The following RAPGEF1 variants were observed in gnomAD, a reference collection of about 807,000 sequenced individuals.
RAPGEF1 encodes the protein CRK SH3-binding GNRP.
A neutral mutation model predicts 143.3 loss-of-function variants in RAPGEF1; 33 were observed. The ratio of observed to expected loss-of-function variants is 0.23; its 90% CI spans 0.17 to 0.31. RAPGEF1 has a LOEUF of 0.31. Ranked by LOEUF, RAPGEF1 falls within the 10% of genes least tolerant of loss-of-function variation. The pLI, the probability that RAPGEF1 is intolerant of heterozygous loss-of-function variation, is 1.00. For missense variants in RAPGEF1, 1,199 were observed against 1,645.4 expected (o/e 0.73, Z 4.69); for synonymous variants, 629 against 676.5 (o/e 0.93, Z 1.09).
chr9:131,583,916 T>C lies in RAPGEF1; in HGVS notation c.3414+395A>G, dbSNP rs114339365. ...CACCCTTCTTCTTTTAGTGCTTATC[T>C]AGCAGAAACTCACCCAACATCATGT... On this transcript the variant is annotated intron_variant, in intron 24 of 26. Coordinates refer to ENST00000683357, the MANE Select transcript of RAPGEF1 (RefSeq NM_001377935.1). This position sits in a 1 kb window ranked among gnomAD's most constrained non-coding sequence, Gnocchi z 4.7. 6.1e-3 allele frequency among the ~76,000 whole-genome samples: 931 copies of C among 152,356 alleles called. 10 individuals are homozygous for C. Among genetic ancestry groups the C allele is most frequent in the African/African-American group, 0.022 (896 of 41,580 alleles).
rs375451768 is a variant in RAPGEF1, at chr9:131,709,696, G to A, written c.61+30074C>T. 9 of 1,613,960 alleles carry A rather than the reference G, an allele frequency of 5.6e-6. No individual in the cohort carries two copies. The African/African-American group carries it at 6.7e-5, about 12-fold the overall frequency. On this transcript the variant is annotated intron_variant, in intron 1 of 26. Coordinates refer to ENST00000683357, the MANE Select transcript of RAPGEF1 (RefSeq NM_001377935.1). ...TAGCATTGCCCATTTTAAAGCCAGAGGACACAGGGCCCTTCCCAGCCCCAG... is the reference window on the plus strand; with the variant it reads ...TAGCATTGCCCATTTTAAAGCCAGAAGACACAGGGCCCTTCCCAGCCCCAG...
At chr9:131,694,053 C>A (rs1833964058) in intron 1 of RAPGEF1, among the ~76,000 whole-genome samples, 1 of 152,062 alleles carries the variant, frequency 6.6e-6, no homozygotes, top group African/African-American at 2.4e-5. Flanking sequence ...TCCATCTCAC[C>A]CCCTCTCCCA....
intron 1 of RAPGEF1, among the ~76,000 whole-genome samples, chr9:131,657,654 C>CT (rs1486985356): frequency 6.6e-6 from 1 of 152,114 alleles, no homozygotes; most frequent in Non-Finnish European, 1.5e-5. Context: ...GCTGCTGTGG[C>CT]TGAGGCACTG....
At chr9:131,618,157 ATCACAC>A (rs766850304) in intron 12 of RAPGEF1, among the ~76,000 whole-genome samples, 11 of 152,274 alleles carry the variant, frequency 7.2e-5, no homozygotes, top group Non-Finnish European at 7.3e-5. Flanking sequence ...TGGAACAGGC[ATCACAC>A]TACTTCTGAG....
intron 1 of RAPGEF1, among the ~76,000 whole-genome samples, chr9:131,657,093 G>C (rs1972675226): frequency 6.6e-6 from 1 of 152,220 alleles, no homozygotes; most frequent in African/African-American, 2.4e-5. Flanking sequence ...ACAGGCTTCA[G>C]GTGATTCTCA....
At chr9:131,600,522 C>T (rs1184449653) in intron 15 of RAPGEF1, among the ~76,000 whole-genome samples, 1 of 152,024 alleles carries the variant, frequency 6.6e-6, no homozygotes, top group South Asian at 2.1e-4. Flanking sequence ...GGGCAGGTGG[C>T]CCTCTTCAAC....
chr9:131,587,624 A>C, intron 22 of RAPGEF1, 112 bp downstream of exon 22: 1 of 984,004 alleles, frequency 1.0e-6, no homozygotes, highest in Non-Finnish European at 1.6e-6. Context: ...TAGCGGAATG[A>C]AAGAGGCAGC....
At chr9:131,603,794 C>T (rs1429220880) in intron 14 of RAPGEF1, among the ~76,000 whole-genome samples, 167 bp downstream of exon 14, 1 of 152,234 alleles carries the variant, frequency 6.6e-6, no homozygotes, top group Non-Finnish European at 1.5e-5. Flanking sequence ...CACGTCCTCT[C>T]CAAAGGGCCG....
chr9:131,718,791 A>G (rs1186081451), intron 1 of RAPGEF1, among the ~76,000 whole-genome samples: 1 of 152,160 alleles, frequency 6.6e-6, no homozygotes, highest in Non-Finnish European at 1.5e-5. Context: ...GGCTGGAAAC[A>G]TGCATTTGAG....
chr9:131,595,620 C>G (rs1045346774), intron 17 of RAPGEF1, among the ~76,000 whole-genome samples: 1 of 152,216 alleles, frequency 6.6e-6, no homozygotes, highest in Non-Finnish European at 1.5e-5. Flanking sequence ...CCCTTGAGGG[C>G]AGGCAGTGAA....
In RAPGEF1 at chr9:131,734,795, C is replaced by G. The variant is rs185330057; in HGVS notation, c.61+4975G>C. On this transcript the variant is annotated intron_variant, in intron 1 of 26. Transcript: ENST00000683357. ...ATGACAAAAATGTGACCATGAAATG[C>G]AGTCATTATAAATTTCTTTTCGATT... Among the ~76,000 whole-genome samples the G allele has an allele frequency of 1.6e-4, 25 of 152,326 alleles. 1 individual carries two copies. The East Asian group carries it at 4.6e-3, about 28-fold the overall frequency.
chr9:131,737,579 T>C, intron 1 of RAPGEF1: 1 of 1,534,700 alleles, frequency 6.5e-7, no homozygotes, highest in East Asian at 2.3e-5. Context: ...GCCTCAGGTC[T>C]TTCTCCCAAA....
intron 1 of RAPGEF1, among the ~76,000 whole-genome samples, chr9:131,700,389 G>T (rs950964107): frequency 2.4e-4 from 36 of 152,038 alleles, no homozygotes; most frequent in Admixed American, 2.2e-3. Context: ...CTCTTCCCCT[G>T]TCCATCCTGT....
At chr9:131,632,367 T>C (rs796122395) in intron 5 of RAPGEF1, among the ~76,000 whole-genome samples, 62 of 151,032 alleles carry the variant, frequency 4.1e-4, no homozygotes, top group African/African-American at 1.3e-3. Context: ...GACCTCGTGA[T>C]CCGCCCGCCT....
At chr9:131,677,125 G>A (rs755070824) in intron 1 of RAPGEF1, among the ~76,000 whole-genome samples, 2 of 152,210 alleles carry the variant, frequency 1.3e-5, no homozygotes, top group Non-Finnish European at 2.9e-5. Flanking sequence ...TATGTGCTAG[G>A]AACTGGGGAC....
chr9:131,702,016 G>A (rs969904362), intron 1 of RAPGEF1, among the ~76,000 whole-genome samples: 1 of 151,906 alleles, frequency 6.6e-6, no homozygotes, highest in Non-Finnish European at 1.5e-5. Flanking sequence ...TCACTCCAAC[G>A]CCCTGACGTT....
chr9:131,679,616 G>C (rs2130909805), intron 1 of RAPGEF1, among the ~76,000 whole-genome samples: 1 of 152,330 alleles, frequency 6.6e-6, no homozygotes, highest in African/African-American at 2.4e-5. Context: ...TCCTCTACCA[G>C]CTTCTGTGGG....
chr9:131,729,608 C>T (rs1386599170), intron 1 of RAPGEF1, among the ~76,000 whole-genome samples: 2 of 152,178 alleles, frequency 1.3e-5, no homozygotes, highest in Non-Finnish European at 2.9e-5. Context: ...GTGGTGGTGC[C>T]GGCAAGTCAG....
intron 1 of RAPGEF1, among the ~76,000 whole-genome samples, chr9:131,664,828 T>G (rs1383845876): frequency 6.6e-6 from 1 of 152,268 alleles, no homozygotes; most frequent in African/African-American, 2.4e-5. Flanking sequence ...TTATTGATAT[T>G]CAATTTCAGG....
Sources: allele counts gnomAD v4.1 joint callset (sites outside exome capture counted in the v4.1 genomes callset), GRCh38; gene constraint gnomAD v4.1.1; non-coding constraint Gnocchi (gnomAD v3.1); transcripts MANE v1.5; gene names NCBI Gene and HGNC (gene_info 2026-07-23, HGNC 2026-07-21).